Variants in DGKG observed in about 807,000 individuals in gnomAD.
The protein encoded by DGKG is DAG kinase gamma.
Under a neutral mutation model 105.3 loss-of-function variants are expected in DGKG, and 78 were observed. That is an observed-to-expected ratio of 0.74 (90% CI 0.62 to 0.89). The LOEUF is 0.89. Ranked by LOEUF, DGKG falls within the 40% of genes least tolerant of loss-of-function variation. The pLI, the probability that DGKG is intolerant of heterozygous loss-of-function variation, is 0.00. For missense variants in DGKG, 958 were observed against 1,020.1 expected, an observed-to-expected ratio of 0.94 and a Z score of 0.83; for synonymous variants, 346 against 367.1, an observed-to-expected ratio of 0.94 and a Z score of 0.66.
intron 20 of DGKG, among the ~76,000 whole-genome samples, chr3:186,223,547 G>A (rs187312872): frequency 6.6e-6 from 1 of 152,060 alleles, no homozygotes; most frequent in East Asian, 1.9e-4. Flanking sequence ...AAATGCACTC[G>A]ATAGGGCAGA....
intron 10 of DGKG, 118 bp downstream of exon 10, chr3:186,275,429 T>A: frequency 1.2e-6 from 1 of 855,830 alleles, no homozygotes; most frequent in Non-Finnish European, 1.9e-6. Flanking sequence ...TGGGACAATA[T>A]GGGTGGTCCC....
chr3:186,257,975 A>G, intron 16 of DGKG, 36 bp from the exon 17 acceptor site: 5 of 1,509,400 alleles, frequency 3.3e-6, no homozygotes, highest in Non-Finnish European at 4.6e-6. Flanking sequence ...TGGGCTTGTT[A>G]CTAGGTTGCA....
chr3:186,280,450 G>A (rs1165102415), intron 8 of DGKG, among the ~76,000 whole-genome samples: 2 of 152,184 alleles, frequency 1.3e-5, no homozygotes, highest in Admixed American at 6.5e-5. Context: ...CTGGTGAAAA[G>A]ATTAGCATGG....
chr3:186,193,614 C>T (rs1718015302), intron 21 of DGKG, among the ~76,000 whole-genome samples: 1 of 152,270 alleles, frequency 6.6e-6, no homozygotes, highest in Non-Finnish European at 1.5e-5. Context: ...CACTGATTTC[C>T]TTCAGAACCC....
chr3:186,294,991 C>T (rs1723481102), intron 5 of DGKG, among the ~76,000 whole-genome samples: 2 of 152,112 alleles, frequency 1.3e-5, no homozygotes, highest in South Asian at 4.1e-4. Flanking sequence ...ACTGTTTTTC[C>T]CCAACCATGC....
intron 1 of DGKG, among the ~76,000 whole-genome samples, chr3:186,324,516 GAA>G (rs35971921): frequency 0.031 from 4,141 of 134,300 alleles, 158 homozygotes; most frequent in African/African-American, 0.092. Context: ...ACGATCAGCT[GAA>G]AAAAAAAAAA....
intron 2 of DGKG, among the ~76,000 whole-genome samples, chr3:186,314,591 C>T (rs1233309600): frequency 6.6e-6 from 1 of 151,908 alleles, no homozygotes; most frequent in East Asian, 1.9e-4. Flanking sequence ...CTTGTCTCTA[C>T]TAAAAATACA....
chr3:186,262,842 T>C (rs756832916), intron 14 of DGKG, among the ~76,000 whole-genome samples: 1 of 152,068 alleles, frequency 6.6e-6, no homozygotes, highest in Non-Finnish European at 1.5e-5. Context: ...ACTAAAAAAA[T>C]TTTTGGCTGG....
Position 186,322,961 on chromosome 3 carries a change from T to A in DGKG, c.-248-2254A>T, listed in dbSNP as rs184726613. On this transcript the variant is annotated intron_variant, in intron 1 of 24. Coordinates refer to ENST00000265022, the MANE Select transcript of DGKG (RefSeq NM_001346.3). The stretch of plus-strand genomic sequence containing the variant: ...ACAGCTCCGGAGTTTGACTGTCCAC[T>A]GTGTGCTCCCTCTTGTCCACCACAC... 1.9e-3 allele frequency among the ~76,000 whole-genome samples: 293 copies of A among 152,306 alleles called. 1 individual carries two copies. Among genetic ancestry groups the A allele is most frequent in the Middle Eastern group, 6.8e-3 (2 of 294 alleles).
intron 1 of DGKG, among the ~76,000 whole-genome samples, chr3:186,323,676 C>T (rs1471826021): frequency 6.6e-6 from 1 of 152,062 alleles, no homozygotes; most frequent in Non-Finnish European, 1.5e-5. Flanking sequence ...GTGGCTCACG[C>T]CTGTAATCCC....
chr3:186,296,666 G>A (rs1578792709), intron 5 of DGKG, among the ~76,000 whole-genome samples: 1 of 152,168 alleles, frequency 6.6e-6, no homozygotes, highest in East Asian at 1.9e-4. Flanking sequence ...CACACCACCA[G>A]GACCACTGTG....
At chr3:186,194,401 C>T (rs1350493419) in intron 21 of DGKG, among the ~76,000 whole-genome samples, 1 of 152,246 alleles carries the variant, frequency 6.6e-6, no homozygotes, top group Non-Finnish European at 1.5e-5. Flanking sequence ...CCGCGCCCTC[C>T]TTCTCTCCTG....
chr3:186,244,745 G>A (rs902780310), intron 19 of DGKG, among the ~76,000 whole-genome samples: 1 of 152,046 alleles, frequency 6.6e-6, no homozygotes, highest in Non-Finnish European at 1.5e-5. Context: ...AGAGTTTAAG[G>A]TCTTGGAGAG....
In DGKG at chr3:186,280,030, C is replaced by A. The variant is rs115139623; in HGVS notation, c.670-57G>T. 3,767 of 1,602,216 alleles carry A rather than the reference C, an allele frequency of 2.4e-3. 5 individuals carry two copies. Among genetic ancestry groups the A allele is most frequent in the Non-Finnish European group, 2.8e-3 (3,287 of 1,171,930 alleles). Reference sequence around the variant, plus strand: ...TTTCATCATCGACATGTCTACCTGCCTTCTGCCTCTGCTGTCTTGTTCATC... The same window carrying A: ...TTTCATCATCGACATGTCTACCTGCATTCTGCCTCTGCTGTCTTGTTCATC... On this transcript the variant is annotated intron_variant, in intron 8 of 24. Transcript: ENST00000265022.
chr3:186,341,487 T>C (rs1360365785), intron 1 of DGKG, among the ~76,000 whole-genome samples: 1 of 152,028 alleles, frequency 6.6e-6, no homozygotes, highest in East Asian at 1.9e-4. Context: ...AACTCAGAAA[T>C]AAAATAAAAT....
chr3:186,233,953 G>A (rs1409643085), intron 20 of DGKG, among the ~76,000 whole-genome samples: 1 of 152,240 alleles, frequency 6.6e-6, no homozygotes, highest in Non-Finnish European at 1.5e-5. Context: ...TTGAATCCAG[G>A]TTGTATGATA....
intron 5 of DGKG, among the ~76,000 whole-genome samples, chr3:186,294,104 A>T (rs1412778326): frequency 6.6e-6 from 1 of 152,238 alleles, no homozygotes; most frequent in African/African-American, 2.4e-5. Context: ...AAATCTCTGG[A>T]AGTTTCTCTT....
chr3:186,182,055 C>G (rs1273314701), intron 22 of DGKG, among the ~76,000 whole-genome samples: 1 of 152,244 alleles, frequency 6.6e-6, no homozygotes, highest in Non-Finnish European at 1.5e-5. Context: ...GTGCCATGCC[C>G]TTGGTGCTTC....
At chr3:186,217,984 T>C (rs1321638342) in intron 20 of DGKG, among the ~76,000 whole-genome samples, 1 of 152,114 alleles carries the variant, frequency 6.6e-6, no homozygotes, top group African/African-American at 2.4e-5. Flanking sequence ...ACTCACATAG[T>C]TAGTTAGGCC....
Sources: gnomAD v4.1 joint callset for allele counts (sites outside exome capture counted in the v4.1 genomes callset) on GRCh38, gnomAD v4.1.1 for gene constraint, MANE v1.5 for transcripts, NCBI Gene and HGNC (gene_info 2026-07-23, HGNC 2026-07-21) for gene names.